HACE1: variants seen among roughly 807,000 people sequenced by gnomAD.
HACE1 encodes the protein E3 ubiquitin-protein ligase HACE1.
HACE1 carries 73 observed loss-of-function variants against 118.4 expected under a neutral mutation model. That is an observed-to-expected ratio of 0.62 (90% CI 0.51 to 0.75). The LOEUF (loss-of-function observed/expected upper bound fraction) is 0.75, where lower values mean the gene tolerates loss of function less well. Among genes scored for constraint, HACE1 ranks in the 30% least tolerant of loss-of-function variants. The pLI, the probability that HACE1 is intolerant of heterozygous loss-of-function variation, is 0.00. For synonymous variants in HACE1, 368 were observed against 374.8 expected (o/e 0.98, Z 0.21); for missense variants, 749 against 1,102.2 (o/e 0.68, Z 4.54).
chr6:104,805,754 A>C (rs138656573), intron 7 of HACE1, among the ~76,000 whole-genome samples: 19 of 152,320 alleles, frequency 1.2e-4, no homozygotes, highest in African/African-American at 4.1e-4. Flanking sequence ...CACCTAATGT[A>C]AATGACGAGT....
intron 6 of HACE1, among the ~76,000 whole-genome samples, chr6:104,826,029 C>G (rs905471950): frequency 6.6e-6 from 1 of 152,136 alleles, no homozygotes; most frequent in African/African-American, 2.4e-5. Context: ...TGCCTCCTGT[C>G]GGATCAGCAG....
chr6:104,789,213 T>C (rs1002605976), intron 11 of HACE1, among the ~76,000 whole-genome samples: 10 of 152,126 alleles, frequency 6.6e-5, no homozygotes, highest in Admixed American at 3.3e-4. Context: ...CCCCAAAGAT[T>C]CCATGTTTCA....
chr6:104,753,141 C>T (rs1358568445), intron 19 of HACE1, among the ~76,000 whole-genome samples: 1 of 152,178 alleles, frequency 6.6e-6, no homozygotes, highest in Non-Finnish European at 1.5e-5. Context: ...ACAAATTTTA[C>T]TATGAACACC....
intron 5 of HACE1, among the ~76,000 whole-genome samples, chr6:104,840,159 A>G (rs1455911265): frequency 6.6e-6 from 1 of 152,182 alleles, no homozygotes; most frequent in Non-Finnish European, 1.5e-5. Context: ...TCTCTCTATT[A>G]TTTCTTAGCA....
chr6:104,796,651 A>C lies in HACE1; in HGVS notation c.816+4T>G, dbSNP rs6918700. On this transcript the variant is annotated splice_donor_region_variant and intron_variant, in intron 9 of 23. Coordinates refer to ENST00000262903, the MANE Select transcript of HACE1 (RefSeq NM_020771.4). The stretch of plus-strand genomic sequence containing the variant: ...TTTACAAGCTACTATCACAAATACA[A>C]TACCATGTTTTCTCGGAGGTCTTCA... 2.2e-6 allele frequency: 3 copies of C among 1,353,150 alleles called. No individual in the cohort carries two copies. In the African/African-American group the frequency reaches 4.3e-5, roughly 19 times the overall value. The allele number at this position is 1,353,150 out of a possible 1,614,324, so 83.8% of individuals were successfully genotyped here.
chr6:104,822,718 G>A (rs9399898), intron 6 of HACE1, among the ~76,000 whole-genome samples: 65,948 of 151,650 alleles, frequency 0.43, 15,976 homozygotes, highest in East Asian at 0.58. Flanking sequence ...TTAGCCTGGC[G>A]TGGTGGTACA....
Position 104,813,402 on chromosome 6 carries a change from G to A in HACE1, c.535-2009C>T, listed in dbSNP as rs1243296936. Among the ~76,000 whole-genome samples the A allele has an allele frequency of 1.4e-5, 2 of 138,134 alleles. 1 individual carries two copies. Among genetic ancestry groups the A allele is most frequent in the African/African-American group, 5.8e-5 (2 of 34,580 alleles). 90.6% of individuals were successfully genotyped at this position (138,134 alleles called of 152,430 possible). Reference sequence around the variant, plus strand: ...TAAAGCAAGACCCTATCTCTAAAAAGAAACAAAAATTAAAAATAAAGAAAC... The same window carrying A: ...TAAAGCAAGACCCTATCTCTAAAAAAAAACAAAAATTAAAAATAAAGAAAC... On this transcript the variant is annotated intron_variant, in intron 6 of 23. Transcript: ENST00000262903.
intron 14 of HACE1, chr6:104,782,604 T>C (rs1781859826): frequency 6.6e-6 from 1 of 152,064 alleles, no homozygotes; most frequent in South Asian, 2.1e-4. Flanking sequence ...CCACTTCAGC[T>C]TACAAAAAAA....
At chr6:104,749,382 T>A (rs1777795211) in intron 20 of HACE1, among the ~76,000 whole-genome samples, 1 of 152,098 alleles carries the variant, frequency 6.6e-6, no homozygotes, top group Non-Finnish European at 1.5e-5. Flanking sequence ...TTAATGAAAC[T>A]AAATCACAAT....
At chr6:104,780,428 A>G in intron 14 of HACE1, 1 of 415,548 alleles carries the variant, frequency 2.4e-6, no homozygotes. Context: ...ACAGCAATAC[A>G]AAATGTTTCT....
rs746466974 is a variant in HACE1 at position 104,730,362 on chromosome 6, T to C, written c.2568A>G (p.Gln856=). 6.2e-7 allele frequency: 1 copy of C among 1,605,566 alleles called. No individual in the cohort carries two copies. The highest frequency in any genetic ancestry group is 2.2e-5 in the East Asian group (1 of 44,822). The change falls in exon 23 of 24, where the codon CAA becomes CAG. Residue 856 remains glutamine (Q), a synonymous_variant. Coordinates refer to ENST00000262903, the MANE Select transcript of HACE1 (RefSeq NM_020771.4). ...FANIMGGSGL[Q]NFTIAAVPYT... is the part of the protein sequence containing the mutation. ...ATGGCACAGCAGCGATTGTAAAGTT[T>C]TGCAATCCACTTCCACCCATGATAT...
intron 6 of HACE1, among the ~76,000 whole-genome samples, chr6:104,829,642 T>C (rs541146652): frequency 1.2e-4 from 19 of 152,280 alleles, no homozygotes; most frequent in African/African-American, 4.1e-4. Context: ...TACCTGTATA[T>C]GATCATTGCA....
intron 6 of HACE1, chr6:104,824,730 T>A (rs1286277164): frequency 2.0e-5 from 3 of 151,992 alleles, no homozygotes; most frequent in African/African-American, 7.3e-5. Flanking sequence ...GCACTATCAA[T>A]ATACACTCCA....
chr6:104,738,072 C>T (rs997600341), intron 22 of HACE1, among the ~76,000 whole-genome samples: 23 of 151,884 alleles, frequency 1.5e-4, no homozygotes, highest in Non-Finnish European at 1.6e-4. Context: ...ACACCTCACA[C>T]GGCAGGGTAT....
At chr6:104,764,853 C>T (rs1049854010) in intron 19 of HACE1, among the ~76,000 whole-genome samples, 2 of 152,188 alleles carry the variant, frequency 1.3e-5, no homozygotes, top group African/African-American at 4.8e-5. Context: ...CAAAGTCACA[C>T]ATTTGCTCGT....
At chr6:104,773,853 T>G (rs1780894117) in intron 17 of HACE1, among the ~76,000 whole-genome samples, 1 of 151,696 alleles carries the variant, frequency 6.6e-6, no homozygotes, top group African/African-American at 2.4e-5. Context: ...TAAATAGAAT[T>G]AAAAGTTTAT....
chr6:104,771,786 G>A (rs539145153), intron 18 of HACE1, 139 bp downstream of exon 18: 16 of 557,314 alleles, frequency 2.9e-5, no homozygotes, highest in African/African-American at 1.2e-4. Flanking sequence ...TTCAAACCCC[G>A]AATGGCTTAC....
chr6:104,832,385 TTGTTGTTG>T (rs1774094322), intron 6 of HACE1, among the ~76,000 whole-genome samples: 2 of 45,030 alleles, frequency 4.4e-5, no homozygotes, highest in Admixed American at 2.5e-4. Flanking sequence ...CTGTTTTTTG[TTGTTGTTG>T]TTGTTGTTGT....
chr6:104,843,652 T>C (rs1040415996), intron 4 of HACE1, among the ~76,000 whole-genome samples: 2 of 152,132 alleles, frequency 1.3e-5, no homozygotes, highest in Admixed American at 6.5e-5. Context: ...GGGGAATGGA[T>C]AGAGAAAAAT....
Sources: gnomAD v4.1 joint callset for allele counts (sites outside exome capture counted in the v4.1 genomes callset) on GRCh38, gnomAD v4.1.1 for gene constraint, MANE v1.5 for transcripts, NCBI Gene and HGNC (gene_info 2026-07-23, HGNC 2026-07-21) for gene names.